SLC15A4: variants seen among roughly 807,000 people sequenced by gnomAD.
The protein encoded by SLC15A4 is hPHT1.
SLC15A4 carries 26 observed loss-of-function variants against 46.1 expected under a neutral mutation model. The ratio of observed to expected loss-of-function variants is 0.56; its 90% confidence interval spans 0.41 to 0.78. SLC15A4 has a LOEUF of 0.78. Ranked by LOEUF, SLC15A4 falls within the 30% of genes least tolerant of loss-of-function variation. The probability of loss-of-function intolerance (pLI) is 0.00; values close to 1 mark genes in which losing one functional copy is unlikely to be tolerated. For synonymous variants in SLC15A4, 370 were observed against 333.4 expected (o/e 1.11, Z -1.20); for missense variants, 751 against 755.7 (o/e 0.99, Z 0.07).
intron 6 of SLC15A4, among the ~76,000 whole-genome samples, chr12:128,800,141 G>A (rs567737057): frequency 6.6e-6 from 1 of 152,004 alleles, no homozygotes; most frequent in East Asian, 1.9e-4. Context: ...CCGTGACAAG[G>A]GCAATAGACT....
chr12:128,806,742 T>C (rs1955593927), intron 5 of SLC15A4, among the ~76,000 whole-genome samples: 1 of 152,120 alleles, frequency 6.6e-6, no homozygotes, highest in Admixed American at 6.5e-5. Flanking sequence ...CACTTCCATG[T>C]CACCAATTCA....
intron 5 of SLC15A4, among the ~76,000 whole-genome samples, chr12:128,805,615 C>A (rs564449625): frequency 2.6e-5 from 4 of 152,228 alleles, no homozygotes; most frequent in African/African-American, 7.2e-5. Flanking sequence ...TCACTGCAAC[C>A]TCCACCTCCT....
chr12:128,807,451 AG>A (rs1303470419), intron 5 of SLC15A4, among the ~76,000 whole-genome samples: 7 of 152,342 alleles, frequency 4.6e-5, no homozygotes, highest in Middle Eastern at 3.4e-3. Flanking sequence ...TCCCACAGGG[AG>A]GGAACGAGGA....
Position 128,810,004 on chromosome 12 carries a change from G to A in SLC15A4, c.950C>T (p.Ala317Val). 2.5e-6 allele frequency: 4 copies of A among 1,614,180 alleles called. No individual in the cohort carries two copies. Among genetic ancestry groups the A allele is most frequent in the Non-Finnish European group, 3.4e-6 (4 of 1,180,044 alleles). Reference protein sequence around the residue: ...FTEEKVEDVKALVKIVPVFLA... With the variant: ...FTEEKVEDVKVLVKIVPVFLA... ...GAAAACAGGGACAATCTTGACCAGA[G>A]CTTTCACATCTTCCACTTTCTCTTC... Residue 317 changes from alanine (A) to valine (V), a missense_variant, in exon 3 of 8, where the codon GCT (alanine) becomes GTT (valine). Transcript: ENST00000266771.
chr12:128,803,905 C>A (rs1360166781), intron 5 of SLC15A4, among the ~76,000 whole-genome samples: 4 of 152,170 alleles, frequency 2.6e-5, no homozygotes, highest in African/African-American at 9.7e-5. Context: ...GTTTTAAGCC[C>A]ACATGGTGTT....
chr12:128,794,257 T>C lies in SLC15A4; in HGVS notation c.1673A>G (p.Asp558Gly), dbSNP rs751464124. The change falls in exon 8 of 8, where the codon GAC (aspartate) becomes GGC (glycine). Residue 558 changes from aspartate (D) to glycine (G), a missense_variant. Physicochemically the swap from Asp to Gly is moderately conservative, Grantham distance 94 (BLOSUM62 -1). Transcript: ENST00000266771. ...TGATCGCTGATGGTCTCGATGATGGTCATATTTCACAGAAATAATGAGGAA... is the reference window on the plus strand; with the variant it reads ...TGATCGCTGATGGTCTCGATGATGGCCATATTTCACAGAAATAATGAGGAA... ...LLFLIISVKYDHHRDHQRSRA... is the reference protein window; with the variant it reads ...LLFLIISVKYGHHRDHQRSRA... 2.5e-6 allele frequency: 4 copies of C among 1,613,982 alleles called. No homozygotes were observed. The Admixed American group carries it at 6.7e-5, about 27-fold the overall frequency.
chr12:128,814,613 C>T (rs1955719149), intron 2 of SLC15A4, 162 bp downstream of exon 2: 3 of 713,700 alleles, frequency 4.2e-6, no homozygotes, highest in Non-Finnish European at 6.8e-6. Context: ...TAAGACCGCA[C>T]CCGCCTCCTT....
chr12:128,811,838 G>A (rs1010565903), intron 2 of SLC15A4, among the ~76,000 whole-genome samples: 1 of 152,188 alleles, frequency 6.6e-6, no homozygotes, highest in Non-Finnish European at 1.5e-5. Context: ...ATATTTAAAA[G>A]CTGTGAAATC....
At chr12:128,819,740 G>A (rs1370567357) in intron 1 of SLC15A4, 1 of 152,222 alleles carries the variant, frequency 6.6e-6, no homozygotes, top group Non-Finnish European at 1.5e-5. Flanking sequence ...GCTATCTTTC[G>A]GAAGAAGGCA....
chr12:128,793,682 A>G lies in SLC15A4; in HGVS notation c.*514T>C, dbSNP rs1955410302. On this transcript the variant is annotated 3_prime_UTR_variant, in exon 8 of 8. Transcript: ENST00000266771. ...CAAGATTGTTCTCAGGAAGGAAACC[A>G]TAAATATGGCATTTATGTAAAATCC... The G allele has an allele frequency of 6.6e-6, 1 of 152,268 alleles. No individual in the cohort carries two copies. Among genetic ancestry groups the G allele is most frequent in the African/African-American group, 2.4e-5 (1 of 41,466 alleles). The allele number at this position is 152,268 out of a possible 1,614,324, so 9.4% of individuals were successfully genotyped here. A position where few individuals can be genotyped will look rare whatever the true frequency, so the allele number is the denominator to read the frequency against.
intron 5 of SLC15A4, among the ~76,000 whole-genome samples, chr12:128,807,912 C>A (rs10847694): frequency 0.6 from 90,617 of 152,122 alleles, 27,287 homozygotes; most frequent in Non-Finnish European, 0.65. Flanking sequence ...TCAATACATT[C>A]AGTCTGGCAA....
rs767415173 is a variant in SLC15A4 at position 128,809,422 on chromosome 12, A to G, written c.1063T>C (p.Ser355Pro). The G allele has an allele frequency of 6.2e-7, 1 of 1,608,638 alleles. No homozygotes were observed. Among genetic ancestry groups the G allele is most frequent in the Non-Finnish European group, 8.5e-7 (1 of 1,176,852 alleles). Residue 355 changes from serine to proline, a missense_variant, in exon 4 of 8, where the codon TCA becomes CCA. Coordinates refer to ENST00000266771, the MANE Select transcript of SLC15A4 (RefSeq NM_145648.4). ...GTGTGAGGAGTGGTTGTAATATTTG[A>G]AATTTCTGGAATCCTCAAATGAAGA... is the stretch of plus-strand genomic sequence containing the variant. ...QSLHLRIPEISNITTTPHTLP... is the reference protein window; with the variant it reads ...QSLHLRIPEIPNITTTPHTLP...
At chr12:128,801,751 C>A (rs1215823780) in intron 5 of SLC15A4, 2 of 152,166 alleles carry the variant, frequency 1.3e-5, no homozygotes, top group African/African-American at 4.8e-5. Flanking sequence ...GTTAAAGATA[C>A]CACCAAGTTT....
intron 2 of SLC15A4, among the ~76,000 whole-genome samples, chr12:128,812,602 C>G (rs1210610757): frequency 6.6e-6 from 1 of 152,190 alleles, no homozygotes; most frequent in Non-Finnish European, 1.5e-5. Context: ...GGGCTTGAGC[C>G]ACCACGCCCA....
intron 7 of SLC15A4, 104 bp from the exon 8 acceptor site, chr12:128,794,460 A>G (rs1287345639): frequency 3.5e-6 from 4 of 1,138,742 alleles, no homozygotes; most frequent in Non-Finnish European, 4.9e-6. Flanking sequence ...AACTGGAGTC[A>G]TAAAAAAAGT....
intron 1 of SLC15A4, among the ~76,000 whole-genome samples, chr12:128,818,129 C>A (rs1006594307): frequency 6.6e-6 from 1 of 151,858 alleles, no homozygotes; most frequent in Non-Finnish European, 1.5e-5. Context: ...ATAAGATTTT[C>A]GTCTTTCAGG....
At chr12:128,802,718 G>A (rs1237774158) in intron 5 of SLC15A4, among the ~76,000 whole-genome samples, 1 of 152,192 alleles carries the variant, frequency 6.6e-6, no homozygotes, top group African/African-American at 2.4e-5. Context: ...AGAAAACACA[G>A]ACTCTGAAGA....
chr12:128,823,612 G>T lies in SLC15A4; in HGVS notation c.332C>A (p.Ala111Glu). The change falls in exon 1 of 8, where the codon GCG becomes GAG. Residue 111 changes from alanine to glutamate, a missense_variant. Ala to Glu is a moderately radical substitution (Grantham distance 107). Coordinates refer to ENST00000266771, the MANE Select transcript of SLC15A4 (RefSeq NM_145648.4). Reference protein sequence around the residue: ...GRARAILLSLALYLLGMLAFP... With the variant: ...GRARAILLSLELYLLGMLAFP... ...GGCCAGCATGCCCAGCAGGTAGAGC[G>T]CCAGGCTCAGCAGGATGGCGCGCGC... The T allele has an allele frequency of 6.8e-7, 1 of 1,465,500 alleles. No homozygotes were observed. Among genetic ancestry groups the T allele is most frequent in the Non-Finnish European group, 9.0e-7 (1 of 1,114,176 alleles). The allele number at this position is 1,465,500 out of a possible 1,614,324, so 90.8% of individuals were successfully genotyped here.
At chr12:128,811,849 A>G (rs1008643840) in intron 2 of SLC15A4, among the ~76,000 whole-genome samples, 1 of 152,254 alleles carries the variant, frequency 6.6e-6, no homozygotes, top group Non-Finnish European at 1.5e-5. Context: ...CTGTGAAATC[A>G]ACATGCATCT....
Sources: gnomAD v4.1 joint callset for allele counts (sites outside exome capture counted in the v4.1 genomes callset) on GRCh38, gnomAD v4.1.1 for gene constraint, MANE v1.5 for transcripts, NCBI Gene and HGNC (gene_info 2026-07-23, HGNC 2026-07-21) for gene names.